PTPRS: variants seen among roughly 807,000 people sequenced by gnomAD.
The protein encoded by PTPRS is receptor-type tyrosine-protein phosphatase S.
In PTPRS, 63 loss-of-function variants were observed where a neutral mutation model predicts 215.3. The observed-to-expected ratio is 0.29, with a 90% CI of 0.24 to 0.36. The LOEUF is 0.36. Ranked by LOEUF, PTPRS falls within the 10% of genes least tolerant of loss-of-function variation. PTPRS has a pLI of 1.00. For synonymous variants in PTPRS, 1,404 were observed against 1,191.4 expected (o/e 1.18, Z -3.68); for missense variants, 2,258 against 2,825.8 (o/e 0.80, Z 4.56).
chr19:5,257,289 C>A lies in PTPRS; in HGVS notation c.706+728G>T. On this transcript the variant is annotated intron_variant, in intron 8 of 37. Coordinates refer to ENST00000262963, the MANE Select transcript of PTPRS (RefSeq NM_002850.4). This position sits in a 1 kb window ranked among gnomAD's most constrained non-coding sequence, Gnocchi z 4.4. Reference sequence around the variant, plus strand: ...GGGGCGAGGCCCCCACGCTGCTGGGCATGACTGAGTGGGAATTGGAAACTG... The same window carrying A: ...GGGGCGAGGCCCCCACGCTGCTGGGAATGACTGAGTGGGAATTGGAAACTG... The A allele has an allele frequency of 2.5e-6, 1 of 397,744 alleles. No individual in the cohort carries two copies. The highest frequency in any genetic ancestry group is 1.8e-5 in the South Asian group (1 of 55,486). The allele number at this position is 397,744 out of a possible 1,614,324, so 24.6% of individuals were successfully genotyped here. A position where few individuals can be genotyped will look rare whatever the true frequency, so the allele number is the denominator to read the frequency against.
Position 5,244,614 on chromosome 19 carries a change from C to T in PTPRS, c.989-132G>A. 3 of 694,928 alleles carry T rather than the reference C, an allele frequency of 4.3e-6. No homozygotes were observed. Among genetic ancestry groups the T allele is most frequent in the Non-Finnish European group, 7.2e-6 (3 of 418,356 alleles). The allele number at this position is 694,928 out of a possible 1,614,324, so 43.0% of individuals were successfully genotyped here. On this transcript the variant is annotated intron_variant, in intron 10 of 37. Transcript: ENST00000262963. This position sits in a 1 kb window ranked among gnomAD's most constrained non-coding sequence, Gnocchi z 7.2. Reference sequence around the variant, plus strand: ...CCAGCAGTAATCATGGGCCTCATGACTCCTGTCATCGTCTACAGCAAGGGG... The same window carrying T: ...CCAGCAGTAATCATGGGCCTCATGATTCCTGTCATCGTCTACAGCAAGGGG...
At chr19:5,306,689 C>T (rs751782888) in intron 1 of PTPRS, among the ~76,000 whole-genome samples, 12 of 152,116 alleles carry the variant, frequency 7.9e-5, no homozygotes, top group Non-Finnish European at 1.5e-4. Flanking sequence ...TCTCCCAGGT[C>T]CCCTTGGGGA....
At chr19:5,280,461 G>T (rs1462330503) in intron 2 of PTPRS, among the ~76,000 whole-genome samples, 3 of 152,214 alleles carry the variant, frequency 2.0e-5, no homozygotes, top group Non-Finnish European at 4.4e-5. Context: ...GCTCATGCCT[G>T]TAATCCCAGC....
chr19:5,215,051 C>A (rs1359611524), intron 28 of PTPRS, among the ~76,000 whole-genome samples: 2 of 152,232 alleles, frequency 1.3e-5, no homozygotes, highest in Non-Finnish European at 2.9e-5. Flanking sequence ...GCCAGATGTC[C>A]CCTGGGCAGC....
intron 19 of PTPRS, 144 bp from the exon 20 acceptor site, chr19:5,221,397 CTGATCCCAGG>C (rs77331729): frequency 0.28 from 322,138 of 1,132,458 alleles, 50,875 homozygotes; most frequent in Non-Finnish European, 0.32. Context: ...TGACTGATCC[CTGATCCCAGG>C]CTGAGTCCCC....
intron 17 of PTPRS, among the ~76,000 whole-genome samples, chr19:5,224,181 A>G (rs2042265823): frequency 6.6e-6 from 1 of 151,746 alleles, no homozygotes; most frequent in Admixed American, 6.6e-5. Flanking sequence ...TCCGTCTTAA[A>G]AATAAAAGTA....
At chr19:5,284,338 C>T (rs976432320) in intron 2 of PTPRS, among the ~76,000 whole-genome samples, 9 of 148,500 alleles carry the variant, frequency 6.1e-5, no homozygotes, top group Non-Finnish European at 8.9e-5. Flanking sequence ...CCAGCCTGGG[C>T]GACAGAGTGA....
chr19:5,313,806 A>G (rs529164222), intron 1 of PTPRS, among the ~76,000 whole-genome samples: 4 of 152,180 alleles, frequency 2.6e-5, no homozygotes, highest in African/African-American at 9.6e-5. Flanking sequence ...TTCTAAGACC[A>G]CAGGTTTGCT....
In PTPRS at chr19:5,273,503, C is replaced by A. The variant is rs770457990; in HGVS notation, c.318G>T (p.Glu106Asp). 2 of 1,614,100 alleles carry A rather than the reference C, an allele frequency of 1.2e-6. No homozygotes were observed. Among genetic ancestry groups the A allele is most frequent in the African/African-American group, 2.7e-5 (2 of 74,920 alleles). Reference protein sequence around the residue: ...LRTPRDENVYECVAQNSVGEI... With the variant: ...LRTPRDENVYDCVAQNSVGEI... ...CCCCAACCGAGTTCTGGGCCACACA[C>A]TCGTACACGTTTTCATCCCGCGGTG... Residue 106 changes from glutamate to aspartate, a missense_variant, in exon 4 of 38, where the codon GAG (glutamate) becomes GAT (aspartate). Around this residue, in one of 6 missense-constraint regions of PTPRS, gnomAD observed 508 missense variants for 799.4 expected, o/e 0.64. Transcript: ENST00000262963.
At position 5,214,366 on chromosome 19, in the gene PTPRS, G is replaced by C. The variant is rs754773533; in HGVS notation, c.4609C>G (p.His1537Asp). The C allele has an allele frequency of 6.2e-7, 1 of 1,613,978 alleles. No homozygotes were observed. Among genetic ancestry groups the C allele is most frequent in the Non-Finnish European group, 8.5e-7 (1 of 1,180,028 alleles). ...AGCCCCAGCCTGGGCCCCACCTTGT[G>C]CAGAGAGAATGTCCTGACGCAGAAT... ...ATFCVRTFSL[H>D]KNGSSEKREV... The change falls in exon 30 of 38, where the codon CAC (histidine) becomes GAC (aspartate). Residue 1537 changes from histidine to aspartate, a missense_variant. By Grantham distance (81) the His-to-Asp change is moderately conservative. Around this residue, in one of 6 missense-constraint regions of PTPRS, gnomAD observed 927 missense variants for 1,125.9 expected, o/e 0.82. Transcript: ENST00000262963.
At chr19:5,211,307 C>G (rs1396824120) in intron 33 of PTPRS, among the ~76,000 whole-genome samples, 3 of 152,158 alleles carry the variant, frequency 2.0e-5, no homozygotes, top group African/African-American at 7.2e-5. Context: ...ACCAGTAGTA[C>G]TCATGAAAAT....
At chr19:5,272,336 G>A (rs2046978421) in intron 4 of PTPRS, among the ~76,000 whole-genome samples, 1 of 152,062 alleles carries the variant, frequency 6.6e-6, no homozygotes, top group African/African-American at 2.4e-5. Flanking sequence ...AGTGGCTTAT[G>A]CCTGTAATCC....
chr19:5,235,109 T>G (rs1289068811), intron 13 of PTPRS, among the ~76,000 whole-genome samples: 9 of 151,930 alleles, frequency 5.9e-5, no homozygotes, highest in Admixed American at 4.6e-4. Context: ...CTCGGCTAAT[T>G]TTTTGTATTT....
intron 1 of PTPRS, among the ~76,000 whole-genome samples, chr19:5,325,628 G>A (rs1408119533): frequency 2.0e-5 from 3 of 152,140 alleles, no homozygotes; most frequent in African/African-American, 4.8e-5. Flanking sequence ...TGCCCAAGGC[G>A]TCCCCAAGGA....
chr19:5,301,238 C>CAGGCCCCATTGCCAGCCT (rs2049293438), intron 1 of PTPRS, among the ~76,000 whole-genome samples: 2 of 149,352 alleles, frequency 1.3e-5, no homozygotes, highest in South Asian at 4.2e-4. Context: ...GTCCCCCCGC[C>CAGGCCCCATTGCCAGCCT]AGGCCCCATT....
chr19:5,300,260 G>T (rs988131914), intron 1 of PTPRS, among the ~76,000 whole-genome samples: 6 of 149,482 alleles, frequency 4.0e-5, no homozygotes, highest in African/African-American at 1.5e-4. Context: ...AAAAAGAAAA[G>T]AAAAAGAAAA....
At chr19:5,322,314 TA>T (rs2147222679) in intron 1 of PTPRS, among the ~76,000 whole-genome samples, 1 of 152,264 alleles carries the variant, frequency 6.6e-6, no homozygotes, top group East Asian at 1.9e-4. Flanking sequence ...TAACACCAGC[TA>T]TATTTTTAAA....
intron 4 of PTPRS, among the ~76,000 whole-genome samples, chr19:5,265,877 A>G (rs1263766680): frequency 1.3e-5 from 2 of 152,164 alleles, no homozygotes; most frequent in African/African-American, 4.8e-5. Context: ...CCTGGCCCCA[A>G]GGTCCACAGT....
chr19:5,212,601 T>C, intron 30 of PTPRS, 110 bp from the exon 31 acceptor site: 1 of 1,342,394 alleles, frequency 7.4e-7, no homozygotes, highest in South Asian at 1.4e-5. Flanking sequence ...CCCAGCACTT[T>C]GGGAGGCCGA....
Sources: allele counts gnomAD v4.1 joint callset (sites outside exome capture counted in the v4.1 genomes callset), GRCh38; gene constraint gnomAD v4.1.1; regional missense constraint gnomAD v4.1.1; non-coding constraint Gnocchi (gnomAD v3.1); transcripts MANE v1.5; gene names NCBI Gene and HGNC (gene_info 2026-07-23, HGNC 2026-07-21).